The following PTPRQ variants were observed in gnomAD, a reference collection of about 807,000 sequenced individuals.
PTPRQ encodes protein tyrosine phosphatase receptor type Q, also known as phosphatidylinositol phosphatase PTPRQ.
Under a neutral mutation model 246.0 loss-of-function variants are expected in PTPRQ, and 199 were observed. The observed-to-expected ratio is 0.81, with a 90% CI of 0.72 to 0.91. The LOEUF (loss-of-function observed/expected upper bound fraction) is 0.91. Among genes scored for constraint, PTPRQ ranks in the 40% least tolerant of loss-of-function variants. The probability of loss-of-function intolerance (pLI) is 0.00; values close to 1 mark genes in which losing one functional copy is unlikely to be tolerated. For missense variants in PTPRQ, 2,624 were observed against 2,528.4 expected (o/e 1.04, Z -0.81); for synonymous variants, 869 against 853.2 (o/e 1.02, Z -0.32).
chr12:80,488,056 G>C (rs1301443152), intron 9 of PTPRQ, among the ~76,000 whole-genome samples: 2 of 151,226 alleles, frequency 1.3e-5, no homozygotes, highest in Admixed American at 1.3e-4. Flanking sequence ...CTGGATTCTT[G>C]CTGGCTCTTG....
In PTPRQ at chr12:80,462,177, C is replaced by T. The variant is rs1038953534; in HGVS notation, c.910+1275C>T. The stretch of plus-strand genomic sequence containing the variant: ...CTCCCACCCGAATACTGCGCTTTTC[C>T]GACAGGCTTAAAAAACGGCACACCA... On this transcript the variant is annotated intron_variant, in intron 6 of 44. Coordinates refer to ENST00000644991, the MANE Select transcript of PTPRQ (RefSeq NM_001145026.2). 1.0e-4 allele frequency: 17 copies of T among 168,710 alleles called. No homozygotes were observed. In the East Asian group the frequency reaches 1.5e-3, roughly 15 times the overall value. 10.5% of individuals were successfully genotyped at this position (168,710 alleles called of 1,614,324 possible). A position where few individuals can be genotyped will look rare whatever the true frequency, so the allele number is the denominator to read the frequency against.
chr12:80,505,036 C>T (rs981101091), intron 14 of PTPRQ, among the ~76,000 whole-genome samples: 1 of 151,744 alleles, frequency 6.6e-6, no homozygotes, highest in Non-Finnish European at 1.5e-5. Context: ...AGTATAATAA[C>T]CCTGGTTAAA....
intron 14 of PTPRQ, among the ~76,000 whole-genome samples, chr12:80,501,180 A>T (rs1430649249): frequency 1.3e-5 from 2 of 151,956 alleles, no homozygotes; most frequent in Non-Finnish European, 2.9e-5. Context: ...CGAGAGGCAG[A>T]GGTGGATCCT....
At chr12:80,462,245 C>T (rs1033052294) in intron 6 of PTPRQ, among the ~76,000 whole-genome samples, 33 of 152,322 alleles carry the variant, frequency 2.2e-4, no homozygotes, top group Admixed American at 9.1e-4. Context: ...CCTACCCCCA[C>T]GGAGTCTGCC....
At chr12:80,477,810 C>G (rs994376340) in intron 8 of PTPRQ, among the ~76,000 whole-genome samples, 9 of 152,182 alleles carry the variant, frequency 5.9e-5, no homozygotes, top group Non-Finnish European at 1.0e-4. Flanking sequence ...CCGAATACTG[C>G]GCTTTTCTGA....
At chr12:80,465,220 C>T (rs1161331791) in intron 6 of PTPRQ, 1 of 151,842 alleles carries the variant, frequency 6.6e-6, no homozygotes, top group Non-Finnish European at 1.5e-5. Context: ...GAGAATACTA[C>T]AAACACCTCT....
At chr12:80,665,767 T>A (rs1320021357) in intron 39 of PTPRQ, among the ~76,000 whole-genome samples, 4 of 151,600 alleles carry the variant, frequency 2.6e-5, no homozygotes, top group Non-Finnish European at 5.9e-5. Context: ...AAAATCCAAT[T>A]TAAAAATGGG....
chr12:80,588,143 A>G lies in PTPRQ; in HGVS notation c.4300A>G (p.Thr1434Ala), dbSNP rs1286629499. 1 of 1,529,584 alleles carries G rather than the reference A, an allele frequency of 6.5e-7. No individual in the cohort carries two copies. The highest frequency in any genetic ancestry group is 1.2e-5 in the South Asian group (1 of 80,322). 94.8% of individuals were successfully genotyped at this position (1,529,584 alleles called of 1,614,324 possible). ...TLPETVPSVP[T>A]NIAFSDVQST... ...TTAATTTTTAGTTCCCAGTGTTCCC[A>G]CAAATATTGCTTTTTCTGATGTTCA... Residue 1434 changes from threonine to alanine, a missense_variant, in exon 26 of 45, where the codon ACA becomes GCA. Coordinates refer to ENST00000644991, the MANE Select transcript of PTPRQ (RefSeq NM_001145026.2).
intron 17 of PTPRQ, among the ~76,000 whole-genome samples, chr12:80,528,241 G>C (rs1895747568): frequency 6.6e-6 from 1 of 152,092 alleles, no homozygotes; most frequent in African/African-American, 2.4e-5. Context: ...CTTTAAAGGA[G>C]AGAAACGGGT....
chr12:80,665,104 T>C (rs558676539), intron 39 of PTPRQ, among the ~76,000 whole-genome samples: 2 of 151,950 alleles, frequency 1.3e-5, no homozygotes, highest in South Asian at 4.1e-4. Context: ...ATCTCAAAAG[T>C]AGGGAAGCTG....
chr12:80,485,344 G>T (rs1592569561), intron 9 of PTPRQ, among the ~76,000 whole-genome samples: 1 of 152,082 alleles, frequency 6.6e-6, no homozygotes, highest in South Asian at 2.1e-4. Flanking sequence ...GCTCCCCGGG[G>T]CATTCAAAGA....
At position 80,588,317 on chromosome 12, in the gene PTPRQ, T is replaced by G. The variant is rs760094117; in HGVS notation, c.4474T>G (p.Tyr1492Asp). 27 of 1,551,454 alleles carry G rather than the reference T, an allele frequency of 1.7e-5. No homozygotes were observed. The South Asian group carries it at 3.0e-4, about 17-fold the overall frequency. Residue 1492 changes from tyrosine to aspartate, a missense_variant, in exon 26 of 45, where the codon TAT becomes GAT. Tyr to Asp is a radical substitution (Grantham distance 160, BLOSUM62 -3). Coordinates refer to ENST00000644991, the MANE Select transcript of PTPRQ (RefSeq NM_001145026.2). ...TGAATATCAAAAAATTCAATACCTC[T>G]ATGAAGCTCACTTAACTGAAGAGAC... Reference protein sequence around the residue: ...CVEYQKIQYLYEAHLTEETVY... With the variant: ...CVEYQKIQYLDEAHLTEETVY...
chr12:80,448,922 T>C (rs1892646234), intron 3 of PTPRQ, among the ~76,000 whole-genome samples: 1 of 147,808 alleles, frequency 6.8e-6, no homozygotes, highest in Non-Finnish European at 1.5e-5. Flanking sequence ...ATGGTATTTC[T>C]AGTTCTAGAT....
In PTPRQ at chr12:80,613,547, G is replaced by C. The variant is rs561504263; in HGVS notation, c.4919-45G>C. On this transcript the variant is annotated intron_variant, in intron 28 of 44. Coordinates refer to ENST00000644991, the MANE Select transcript of PTPRQ (RefSeq NM_001145026.2). ...AATAAATTTATGTGGAGATAAAAAG[G>C]AATACAATATTTTTAAAAATTAATT... is the stretch of plus-strand genomic sequence containing the variant. 6.3e-6 allele frequency: 9 copies of C among 1,431,480 alleles called. No individual in the cohort carries two copies. The African/African-American group carries it at 1.2e-4, about 19-fold the overall frequency. 88.7% of individuals were successfully genotyped at this position (1,431,480 alleles called of 1,614,324 possible).
At chr12:80,453,420 C>G (rs1005361833) in intron 3 of PTPRQ, among the ~76,000 whole-genome samples, 6 of 152,138 alleles carry the variant, frequency 3.9e-5, no homozygotes, top group African/African-American at 4.8e-5. Context: ...GAACTGCGTT[C>G]CTTTGGAGGA....
intron 8 of PTPRQ, among the ~76,000 whole-genome samples, chr12:80,474,824 C>A (rs1893761427): frequency 6.6e-6 from 1 of 152,086 alleles, no homozygotes; most frequent in Non-Finnish European, 1.5e-5. Flanking sequence ...ATGACCATTT[C>A]TTAAAAGCAG....
In PTPRQ at chr12:80,472,269, G is replaced by A. The variant is rs1158771137; in HGVS notation, c.1186+18G>A. 164 of 1,548,096 alleles carry A rather than the reference G, an allele frequency of 1.1e-4. No individual in the cohort carries two copies. The highest frequency in any genetic ancestry group is 1.4e-4 in the Non-Finnish European group (156 of 1,146,522). ...ACCAGATGGTAAGAACATAGGGAATGAGTGAGATATTTTTGGTATGCTTAT... is the reference window on the plus strand; with the variant it reads ...ACCAGATGGTAAGAACATAGGGAATAAGTGAGATATTTTTGGTATGCTTAT... On this transcript the variant is annotated intron_variant, in intron 8 of 44. Transcript: ENST00000644991.
chr12:80,634,907 TGAAACTCCCTTCTTG>T (rs754721027), intron 34 of PTPRQ, 23 bp from the exon 35 acceptor site: 1 of 1,545,342 alleles, frequency 6.5e-7, no homozygotes, highest in Admixed American at 2.0e-5. Context: ...ATACTTTGTG[TGAAACTCCCTTCTTG>T]GACTTTACTC....
At chr12:80,590,565 G>A (rs1897761007) in intron 26 of PTPRQ, among the ~76,000 whole-genome samples, 1 of 151,286 alleles carries the variant, frequency 6.6e-6, no homozygotes, top group African/African-American at 2.4e-5. Flanking sequence ...CTACTCGGGA[G>A]GCTGAGGCAG....
Sources: gnomAD v4.1 joint callset for allele counts (sites outside exome capture counted in the v4.1 genomes callset) on GRCh38, gnomAD v4.1.1 for gene constraint, MANE v1.5 for transcripts, NCBI Gene and HGNC (gene_info 2026-07-23, HGNC 2026-07-21) for gene names.